Variants in CACNA1I observed in about 807,000 individuals in gnomAD.
The protein encoded by CACNA1I is calcium voltage-gated channel subunit alpha1 I.
A neutral mutation model predicts 201.6 loss-of-function variants in CACNA1I; 74 were observed. The observed-to-expected ratio is 0.37, with a 90% CI of 0.30 to 0.45. The LOEUF is 0.45. CACNA1I is among the 20% of genes least tolerant of loss of function. The pLI, the probability that CACNA1I is intolerant of heterozygous loss-of-function variation, is 1.00. For missense variants in CACNA1I, 2,346 were observed against 3,138.1 expected (o/e 0.75, Z 6.03); for synonymous variants, 1,431 against 1,345.2 (o/e 1.06, Z -1.40).
At chr22:39,599,721 C>A (rs1307874439) in intron 2 of CACNA1I, among the ~76,000 whole-genome samples, 1 of 151,624 alleles carries the variant, frequency 6.6e-6, no homozygotes, top group Non-Finnish European at 1.5e-5. Context: ...GAGTGGGTAA[C>A]AAGCTCCTCA....
rs1934569226 is a variant in CACNA1I at position 39,648,951 on chromosome 22, G to A, written c.1568-550G>A. Among the ~76,000 whole-genome samples the A allele has an allele frequency of 6.6e-6, 1 of 152,092 alleles. No homozygotes were observed. Among genetic ancestry groups the A allele is most frequent in the Non-Finnish European group, 1.5e-5 (1 of 67,996 alleles). On this transcript the variant is annotated intron_variant, in intron 9 of 36. Transcript: ENST00000402142. This position sits in a 1 kb window ranked among gnomAD's most constrained non-coding sequence, Gnocchi z 5.4. ...GAGGGAAGTCCCAGGGGCTTCTGGA[G>A]TGAGGGTCTGCCCTTGCCCCAGGGC...
At position 39,661,246 on chromosome 22, in the gene CACNA1I, C is replaced by T; in HGVS notation, c.2837C>T (p.Ala946Val). The T allele has an allele frequency of 6.2e-7, 1 of 1,610,602 alleles. No homozygotes were observed. The highest frequency in any genetic ancestry group is 8.5e-7 in the Non-Finnish European group (1 of 1,178,534). Residue 946 changes from alanine (A) to valine (V), a missense_variant, in exon 16 of 37, where the codon GCC (alanine) becomes GTC (valine). This residue lies in a region of CACNA1I where 92 missense variants were observed against 114.5 expected (regional missense o/e 0.80). Coordinates refer to ENST00000402142, the MANE Select transcript of CACNA1I (RefSeq NM_021096.4). ...LSLQPDPMLV[A>V]LGSRKSSVMS... ...CTGCAGCCGGACCCCATGCTGGTGG[C>T]CCTGGGCTCCCGAAAGAGCAGTGTC...
At chr22:39,625,454 G>A (rs948636737) in intron 4 of CACNA1I, among the ~76,000 whole-genome samples, 3 of 152,212 alleles carry the variant, frequency 2.0e-5, no homozygotes, top group Admixed American at 1.3e-4. Context: ...CCTGCTGTGT[G>A]ACCTGAGAAG....
In CACNA1I at chr22:39,649,859, C is replaced by T. The variant is rs1934599434; in HGVS notation, c.1926C>T (p.Phe642=). The T allele has an allele frequency of 1.2e-6, 2 of 1,613,516 alleles. No individual in the cohort carries two copies. Among genetic ancestry groups the T allele is most frequent in the Non-Finnish European group, 1.7e-6 (2 of 1,179,762 alleles). The change falls in exon 10 of 37, where the codon TTC becomes TTT. Residue 642 remains phenylalanine (F), a synonymous_variant. Coordinates refer to ENST00000402142, the MANE Select transcript of CACNA1I (RefSeq NM_021096.4). The surrounding 1 kb of genome is among the most constrained non-coding windows in gnomAD (Gnocchi z 7.3). ...GCGGCATCGTGGACAGCAAGTACTT[C>T]AACCGGGGCATCATGATGGCCATCC... ...KLRGIVDSKY[F]NRGIMMAILV...
At chr22:39,614,382 G>A (rs1933470833) in intron 3 of CACNA1I, among the ~76,000 whole-genome samples, 1 of 152,210 alleles carries the variant, frequency 6.6e-6, no homozygotes, top group Non-Finnish European at 1.5e-5. Flanking sequence ...CAGAGGGTAG[G>A]TCAGGGATCT....
chr22:39,633,032 G>A (rs1470708105), intron 4 of CACNA1I, among the ~76,000 whole-genome samples: 3 of 151,868 alleles, frequency 2.0e-5, no homozygotes, highest in East Asian at 1.9e-4. Flanking sequence ...AGTTTGTGAC[G>A]CAAATTCCAA....
intron 18 of CACNA1I, 86 bp downstream of exon 18, chr22:39,662,962 G>A (rs1935075591): frequency 1.1e-6 from 1 of 942,774 alleles, no homozygotes; most frequent in Non-Finnish European, 1.7e-6. Context: ...AAGGCCATTG[G>A]TGGCGCTCTC....
chr22:39,579,245 G>T (rs1932468624), intron 1 of CACNA1I, among the ~76,000 whole-genome samples: 1 of 152,248 alleles, frequency 6.6e-6, no homozygotes, highest in Admixed American at 6.5e-5. Context: ...GCACTCCTAA[G>T]AGGGTACAGG....
chr22:39,666,566 G>T lies in CACNA1I; in HGVS notation c.4104+560G>T, dbSNP rs1270365957. On this transcript the variant is annotated intron_variant, in intron 23 of 36. Transcript: ENST00000402142. This position sits in a 1 kb window ranked among gnomAD's most constrained non-coding sequence, Gnocchi z 4.1. ...CCTCTCCTGAGGGCCTGCCAGGTGT[G>T]ACCCATCTGGGCAGTGCCCCAGGTG... Among the ~76,000 whole-genome samples, 1 of 152,182 alleles carries T rather than the reference G, an allele frequency of 6.6e-6. No homozygotes were observed. Among genetic ancestry groups the T allele is most frequent in the Admixed American group, 6.5e-5 (1 of 15,294 alleles).
At chr22:39,586,139 T>A (rs1376880686) in intron 1 of CACNA1I, among the ~76,000 whole-genome samples, 1 of 150,492 alleles carries the variant, frequency 6.6e-6, no homozygotes, top group African/African-American at 2.4e-5. Flanking sequence ...GATCGTGCCA[T>A]TGTACTCTAG....
intron 1 of CACNA1I, among the ~76,000 whole-genome samples, chr22:39,573,443 G>C (rs117774651): frequency 6.6e-6 from 1 of 152,164 alleles, no homozygotes; most frequent in East Asian, 1.9e-4. Context: ...CTGCCCACGT[G>C]TCACGGAGAG....
Position 39,687,968 on chromosome 22 carries a change from ACC to A in CACNA1I, c.*1567_*1568del, listed in dbSNP as rs1935934997. On this transcript the variant is annotated 3_prime_UTR_variant, in exon 37 of 37. Coordinates refer to ENST00000402142, the MANE Select transcript of CACNA1I (RefSeq NM_021096.4). ...CAGCAATAACCTTGCCTTTGCTAAG[ACC>A]CCCTCCGAGGGCTTCAGGGGGGCCT... The A allele has an allele frequency of 6.6e-6, 1 of 151,508 alleles. No individual in the cohort carries two copies. The highest frequency in any genetic ancestry group is 1.9e-4 in the East Asian group (1 of 5,176). 9.4% of individuals were successfully genotyped at this position (151,508 alleles called of 1,614,324 possible).
At chr22:39,591,174 T>C (rs1029854490) in intron 1 of CACNA1I, among the ~76,000 whole-genome samples, 42 of 126,744 alleles carry the variant, frequency 3.3e-4, no homozygotes, top group South Asian at 7.7e-4. Context: ...TTTTTTTTTT[T>C]CTGAGACGGA....
chr22:39,667,871 C>T (rs1473997955), intron 23 of CACNA1I, among the ~76,000 whole-genome samples: 1 of 152,158 alleles, frequency 6.6e-6, no homozygotes, highest in Admixed American at 6.5e-5. Context: ...CTGGGGCAAG[C>T]GTGTCTTACC....
At chr22:39,616,060 G>GC (rs959649609) in intron 3 of CACNA1I, among the ~76,000 whole-genome samples, 10 of 152,212 alleles carry the variant, frequency 6.6e-5, no homozygotes, top group Admixed American at 6.5e-4. Context: ...GGGAATGTTT[G>GC]CCGCAGACAT....
chr22:39,631,526 G>A (rs1934062635), intron 4 of CACNA1I, among the ~76,000 whole-genome samples: 1 of 152,208 alleles, frequency 6.6e-6, no homozygotes, highest in East Asian at 1.9e-4. Context: ...GTGACTAACT[G>A]GGGGTGAGAA....
rs931003226 is a variant in CACNA1I, at chr22:39,578,041, C to T, written c.236+7053C>T. Among the ~76,000 whole-genome samples, 14 of 152,150 alleles carry T rather than the reference C, an allele frequency of 9.2e-5. No individual in the cohort carries two copies. The South Asian group carries it at 2.9e-3, about 31-fold the overall frequency. On this transcript the variant is annotated intron_variant, in intron 1 of 36. Coordinates refer to ENST00000402142, the MANE Select transcript of CACNA1I (RefSeq NM_021096.4). ...GTGTGTACACTGGAGCTGACGGAGT[C>T]GCTGACAGGGTCCTGAGCCTGCAAT...
chr22:39,663,428 A>G (rs1935088102), intron 18 of CACNA1I, among the ~76,000 whole-genome samples: 1 of 152,094 alleles, frequency 6.6e-6, no homozygotes, highest in Admixed American at 6.5e-5. Flanking sequence ...GCAGAAGCAG[A>G]GGGTACTAGG....
chr22:39,679,731 T>C lies in CACNA1I; in HGVS notation c.5404T>C (p.Trp1802Arg). 2 of 1,612,078 alleles carry C rather than the reference T, an allele frequency of 1.2e-6. No homozygotes were observed. Among genetic ancestry groups the C allele is most frequent in the Non-Finnish European group, 1.7e-6 (2 of 1,179,298 alleles). ...RCYSPAQENLWLDSVSLIIKD... is the reference protein window; with the variant it reads ...RCYSPAQENLRLDSVSLIIKD... Reference sequence around the variant, plus strand: ...GTCCCCGTCCGCCTAGGAGAACCTGTGGCTGGACAGCGTCTCTTTAATCAT... The same window carrying C: ...GTCCCCGTCCGCCTAGGAGAACCTGCGGCTGGACAGCGTCTCTTTAATCAT... The change falls in exon 33 of 37, where the codon TGG becomes CGG. Residue 1802 changes from tryptophan (W) to arginine (R), a missense_variant. By Grantham distance (101) the Trp-to-Arg change is moderately radical. Coordinates refer to ENST00000402142, the MANE Select transcript of CACNA1I (RefSeq NM_021096.4).
Sources: allele counts gnomAD v4.1 joint callset (sites outside exome capture counted in the v4.1 genomes callset), GRCh38; gene constraint gnomAD v4.1.1; regional missense constraint gnomAD v4.1.1; non-coding constraint Gnocchi (gnomAD v3.1); transcripts MANE v1.5; gene names NCBI Gene and HGNC (gene_info 2026-07-23, HGNC 2026-07-21).